Variants in MALRD1 observed in about 807,000 individuals in gnomAD.
MALRD1 encodes the protein MAM and LDL receptor class A domain containing 1, also known as MAM and LDL-receptor class A domain-containing protein 1.
Under a neutral mutation model 242.1 loss-of-function variants are expected in MALRD1, and 247 were observed. That is an observed-to-expected ratio of 1.02 (90% CI 0.92 to 1.13). The LOEUF is 1.13. Among genes scored for constraint, MALRD1 ranks in the 50% most tolerant of loss-of-function variants. The pLI, the probability that MALRD1 is intolerant of heterozygous loss-of-function variation, is 0.00. For missense variants in MALRD1, 2,989 were observed against 2,533.1 expected (o/e 1.18, Z -3.86); for synonymous variants, 995 against 866.6 (o/e 1.15, Z -2.60).
At chr10:19,327,252 C>A (rs1393965891) in intron 22 of MALRD1, among the ~76,000 whole-genome samples, 2 of 152,016 alleles carry the variant, frequency 1.3e-5, no homozygotes, top group Non-Finnish European at 2.9e-5. Context: ...TATAAAACAG[C>A]AATTGTTACT....
intron 31 of MALRD1, among the ~76,000 whole-genome samples, chr10:19,529,552 G>C (rs1480499848): frequency 7.0e-6 from 1 of 143,802 alleles, no homozygotes; most frequent in Admixed American, 7.0e-5. Flanking sequence ...CAGGAGGGGG[G>C]GGGAGAAAAC....
chr10:19,275,451 G>T (rs1053653443), intron 19 of MALRD1, among the ~76,000 whole-genome samples: 1 of 152,114 alleles, frequency 6.6e-6, no homozygotes, highest in Non-Finnish European at 1.5e-5. Flanking sequence ...GGCAGATCAC[G>T]AGGTCAGGAG....
At position 19,171,457 on chromosome 10, in the gene MALRD1, T is replaced by TATACAC. The variant is rs1166665866; in HGVS notation, c.1831-3750_1831-3749insTACACA. On this transcript the variant is annotated intron_variant, in intron 13 of 39. Transcript: ENST00000454679. ...ATATATATATATATATATATATATA[T>TATACAC]ACACACATGTATATACACACACACA... 1.9e-3 allele frequency among the ~76,000 whole-genome samples: 140 copies of TATACAC among 74,546 alleles called. 4 individuals are homozygous for TATACAC. Among genetic ancestry groups the TATACAC allele is most frequent in the African/African-American group, 4.6e-3 (111 of 23,926 alleles). The allele number at this position is 74,546 out of a possible 152,430, so 48.9% of individuals were successfully genotyped here.
chr10:19,284,311 T>A (rs1840986613), intron 21 of MALRD1, among the ~76,000 whole-genome samples: 1 of 151,802 alleles, frequency 6.6e-6, no homozygotes, highest in African/African-American at 2.4e-5. Context: ...GCAGGTTCGT[T>A]ACATATGTAT....
chr10:19,357,572 A>C (rs1345450605), intron 26 of MALRD1, among the ~76,000 whole-genome samples: 1 of 152,150 alleles, frequency 6.6e-6, no homozygotes, highest in African/African-American at 2.4e-5. Context: ...ATAACTATAA[A>C]ATCTTATTAT....
At chr10:19,278,775 A>G (rs1053491055) in intron 19 of MALRD1, among the ~76,000 whole-genome samples, 19 of 152,330 alleles carry the variant, frequency 1.2e-4, no homozygotes, top group African/African-American at 4.1e-4. Flanking sequence ...AGACACACAC[A>G]CAATACCTTT....
intron 19 of MALRD1, among the ~76,000 whole-genome samples, chr10:19,261,095 G>T (rs1176973805): frequency 1.3e-5 from 2 of 152,044 alleles, no homozygotes; most frequent in Non-Finnish European, 2.9e-5. Flanking sequence ...AACAAAAAAA[G>T]AACACAGAAA....
chr10:19,505,275 C>T (rs1838154077), intron 31 of MALRD1, among the ~76,000 whole-genome samples: 1 of 152,182 alleles, frequency 6.6e-6, no homozygotes, highest in South Asian at 2.1e-4. Context: ...GTGCCCCCTT[C>T]CTCCAGAATT....
chr10:19,651,867 G>A (rs1191792064), intron 36 of MALRD1, among the ~76,000 whole-genome samples: 1 of 152,166 alleles, frequency 6.6e-6, no homozygotes, highest in Non-Finnish European at 1.5e-5. Flanking sequence ...TACAGAGGAA[G>A]AATTTTGTTT....
intron 1 of MALRD1, chr10:19,052,049 A>G: frequency 5.0e-6 from 2 of 398,432 alleles, no homozygotes; most frequent in Non-Finnish European, 4.8e-6. Flanking sequence ...ATATGAATGG[A>G]GTTAATAGCT....
At chr10:19,479,055 A>C (rs552424675) in intron 29 of MALRD1, among the ~76,000 whole-genome samples, 26 of 152,316 alleles carry the variant, frequency 1.7e-4, no homozygotes, top group African/African-American at 6.0e-4. Context: ...AAGCCAGCCC[A>C]AGCAATTTTA....
intron 35 of MALRD1, among the ~76,000 whole-genome samples, chr10:19,610,247 T>C (rs1838832900): frequency 1.3e-5 from 2 of 152,096 alleles, no homozygotes; most frequent in South Asian, 2.1e-4. Flanking sequence ...GCCTCTCTCC[T>C]AGCAGTTTTG....
At chr10:19,461,525 C>T (rs935926353) in intron 29 of MALRD1, among the ~76,000 whole-genome samples, 5 of 151,908 alleles carry the variant, frequency 3.3e-5, no homozygotes, top group Non-Finnish European at 7.4e-5. Context: ...TATGGTACAA[C>T]GTCAGGAAGA....
intron 5 of MALRD1, among the ~76,000 whole-genome samples, chr10:19,107,295 A>T (rs1026427594): frequency 6.6e-6 from 1 of 151,934 alleles, no homozygotes; most frequent in Non-Finnish European, 1.5e-5. Flanking sequence ...TTTGCTTTAT[A>T]TATTGGGAGG....
At chr10:19,504,523 G>C (rs1196928867) in intron 31 of MALRD1, among the ~76,000 whole-genome samples, 1 of 151,960 alleles carries the variant, frequency 6.6e-6, no homozygotes, top group African/African-American at 2.4e-5. Flanking sequence ...ATGATTCCCA[G>C]ACCATTATTC....
rs537286309 is a variant in MALRD1, at chr10:19,171,487, T to TAC, written c.1831-3713_1831-3712dup. Among the ~76,000 whole-genome samples, 35 of 141,624 alleles carry TAC rather than the reference T, an allele frequency of 2.5e-4. No homozygotes were observed. In the South Asian group the frequency reaches 6.7e-3, roughly 27 times the overall value. The allele number at this position is 141,624 out of a possible 152,430, so 92.9% of individuals were successfully genotyped here. On this transcript the variant is annotated intron_variant, in intron 13 of 39. Coordinates refer to ENST00000454679, the MANE Select transcript of MALRD1 (RefSeq NM_001142308.3). ...ACATGTATATACACACACACATATA[T>TAC]ACACACACATATATATGTGTCTATG... is the stretch of plus-strand genomic sequence containing the variant.
chr10:19,078,733 T>A lies in MALRD1; in HGVS notation c.341-9107T>A, dbSNP rs116655706. On this transcript the variant is annotated intron_variant, in intron 2 of 39. Coordinates refer to ENST00000454679, the MANE Select transcript of MALRD1 (RefSeq NM_001142308.3). Reference sequence around the variant, plus strand: ...TTTGGATTTTTTATTTCTTCTTGAATTGGCTTTGGTAGTTTGTGTCTTTCT... The same window carrying A: ...TTTGGATTTTTTATTTCTTCTTGAAATGGCTTTGGTAGTTTGTGTCTTTCT... Among the ~76,000 whole-genome samples, 309 of 151,974 alleles carry A rather than the reference T, an allele frequency of 2.0e-3. 1 individual carries two copies. The highest frequency in any genetic ancestry group is 7.2e-3 in the African/African-American group (297 of 41,534).
chr10:19,519,701 C>T (rs1833791978), intron 31 of MALRD1, among the ~76,000 whole-genome samples: 1 of 152,090 alleles, frequency 6.6e-6, no homozygotes, highest in Non-Finnish European at 1.5e-5. Flanking sequence ...GAGGTTGAAG[C>T]TGCAATGAAC....
intron 36 of MALRD1, among the ~76,000 whole-genome samples, chr10:19,670,888 T>A (rs2131760171): frequency 6.6e-6 from 1 of 151,490 alleles, no homozygotes; most frequent in South Asian, 2.1e-4. Flanking sequence ...CATTTTTTTT[T>A]TTTTTTTTGA....
Sources: gnomAD v4.1 joint callset for allele counts (sites outside exome capture counted in the v4.1 genomes callset) on GRCh38, gnomAD v4.1.1 for gene constraint, MANE v1.5 for transcripts, NCBI Gene and HGNC (gene_info 2026-07-23, HGNC 2026-07-21) for gene names.